Variants in CACYBP observed in about 807,000 individuals in gnomAD.
The protein encoded by CACYBP is calcyclin binding protein, also known as calcyclin-binding protein.
CACYBP carries 11 observed loss-of-function variants against 29.6 expected under a neutral mutation model. The observed-to-expected ratio is 0.37, with a 90% CI of 0.23 to 0.61. The LOEUF (loss-of-function observed/expected upper bound fraction) is 0.61. Ranked by LOEUF, CACYBP falls within the 20% of genes least tolerant of loss-of-function variation. The probability of loss-of-function intolerance (pLI) is 0.65; values close to 1 mark genes in which losing one functional copy is unlikely to be tolerated. For missense variants in CACYBP, 163 were observed against 260.7 expected (o/e 0.63, Z 2.58); for synonymous variants, 73 against 88.3 (o/e 0.83, Z 0.97).
Position 175,010,357 on chromosome 1 carries a change from GC to G in CACYBP, c.*281del. 1 of 226,260 alleles carries G rather than the reference GC, an allele frequency of 4.4e-6. No homozygotes were observed. Among genetic ancestry groups the G allele is most frequent in the Non-Finnish European group, 8.5e-6 (1 of 117,088 alleles). The allele number at this position is 226,260 out of a possible 1,614,324, so 14.0% of individuals were successfully genotyped here. ...ACGTGAAATATAAAAAGCAAGTCTT[GC>G]CCAATAAAAACGCTACATTGTGTGT... On this transcript the variant is annotated 3_prime_UTR_variant, in exon 6 of 6. Coordinates refer to ENST00000367679, the MANE Select transcript of CACYBP (RefSeq NM_014412.3).
At chr1:175,006,940 GAATT>G (rs1672633815) in intron 3 of CACYBP, 99 bp downstream of exon 3, 1 of 870,192 alleles carries the variant, frequency 1.1e-6, no homozygotes. Context: ...CTTAAATTTA[GAATT>G]AATTATCCTT....
intron 1 of CACYBP, chr1:175,000,431 G>A: frequency 7.2e-7 from 1 of 1,394,588 alleles, no homozygotes; most frequent in South Asian, 1.6e-5. Context: ...GGGGGTGTGC[G>A]GCGATTATCC....
chr1:175,008,464 G>T, intron 4 of CACYBP, 145 bp from the exon 5 acceptor site: 1 of 511,056 alleles, frequency 2.0e-6, no homozygotes, highest in Non-Finnish European at 3.6e-6. Context: ...TCAGATTTTG[G>T]CCTATTCATA....
upstream of CACYBP, chr1:174,999,660 G>A (rs1200151802): frequency 8.6e-6 from 2 of 233,686 alleles, no homozygotes; most frequent in African/African-American, 4.8e-5. Context: ...TGACTCTCTA[G>A]TCAACTTCCG....
At chr1:175,006,454 T>G (rs1558325443) in intron 2 of CACYBP, 1 of 222,850 alleles carries the variant, frequency 4.5e-6, no homozygotes, top group Non-Finnish European at 8.8e-6. Flanking sequence ...ATGTATTTAG[T>G]GATCATATTT....
In CACYBP at chr1:175,011,379, A is replaced by AGAT. The variant is rs1672752613; in HGVS notation, c.*1301_*1303dup. ...TAAAGATGGGTTTTTAATGATACTAAGATAACTGAAAATAGGCATATAGAT... is the reference window on the plus strand; with the variant it reads ...TAAAGATGGGTTTTTAATGATACTAAGATGATAACTGAAAATAGGCATATAGAT... On this transcript the variant is annotated 3_prime_UTR_variant, in exon 6 of 6. Coordinates refer to ENST00000367679, the MANE Select transcript of CACYBP (RefSeq NM_014412.3). The AGAT allele has an allele frequency of 2.6e-5, 4 of 152,286 alleles. No individual in the cohort carries two copies. The highest frequency in any genetic ancestry group is 4.1e-4 in the South Asian group (2 of 4,824). 9.4% of individuals were successfully genotyped at this position (152,286 alleles called of 1,614,324 possible).
At position 175,010,015 on chromosome 1, in the gene CACYBP, G is replaced by A. The variant is rs762872415; in HGVS notation, c.623G>A (p.Arg208Gln). The A allele has an allele frequency of 1.1e-5, 17 of 1,613,670 alleles. No homozygotes were observed. The highest frequency in any genetic ancestry group is 1.7e-4 in the Middle Eastern group (1 of 6,056). The change falls in exon 6 of 6, where the codon CGA becomes CAA. Residue 208 changes from arginine to glutamine, a missense_variant. By Grantham distance (43) the Arg-to-Gln change is conservative. Coordinates refer to ENST00000367679, the MANE Select transcript of CACYBP (RefSeq NM_014412.3). ...IYEDGDDDMKRTINKAWVESR... is the reference protein window; with the variant it reads ...IYEDGDDDMKQTINKAWVESR... The stretch of plus-strand genomic sequence containing the variant: ...GAAGATGGAGACGATGATATGAAGC[G>A]AACCATTAATAAAGCCTGGGTGGAA...
At chr1:175,003,858 G>A (rs551148530) in intron 1 of CACYBP, among the ~76,000 whole-genome samples, 1 of 152,268 alleles carries the variant, frequency 6.6e-6, no homozygotes, top group East Asian at 1.9e-4. Flanking sequence ...AAAGTAGAAA[G>A]TAGTAGACTT....
intron 4 of CACYBP, among the ~76,000 whole-genome samples, chr1:175,007,909 C>T (rs892153339): frequency 2.0e-5 from 3 of 152,038 alleles, no homozygotes; most frequent in African/African-American, 2.4e-5. Context: ...AAGTTTAATG[C>T]GTTAGGTATA....
chr1:175,001,944 GT>G (rs1558323664), intron 1 of CACYBP, among the ~76,000 whole-genome samples: 1 of 152,148 alleles, frequency 6.6e-6, no homozygotes, highest in Non-Finnish European at 1.5e-5. Flanking sequence ...GTTTCACCAC[GT>G]TGGCCAGGCT....
At chr1:174,999,696 TA>T (rs1672410141), upstream of CACYBP, 1 of 244,484 alleles carries the variant, frequency 4.1e-6, no homozygotes, top group African/African-American at 2.4e-5. Flanking sequence ...ATCGGTACGT[TA>T]TTTCCGGGGC....
In CACYBP at chr1:175,011,571, A is replaced by G. The variant is rs992514697; in HGVS notation, c.*1492A>G. 2.0e-5 allele frequency: 3 copies of G among 152,226 alleles called. No homozygotes were observed. Among genetic ancestry groups the G allele is most frequent in the African/African-American group, 7.2e-5 (3 of 41,464 alleles). The allele number at this position is 152,226 out of a possible 1,614,324, so 9.4% of individuals were successfully genotyped here. A position where few individuals can be genotyped will look rare whatever the true frequency, so the allele number is the denominator to read the frequency against. On this transcript the variant is annotated 3_prime_UTR_variant, in exon 6 of 6. Transcript: ENST00000367679. Reference sequence around the variant, plus strand: ...ATGTTTATAGGACAAGAAAAACCCCACCATAACCCAAGGCAAACAATGTAT... The same window carrying G: ...ATGTTTATAGGACAAGAAAAACCCCGCCATAACCCAAGGCAAACAATGTAT...
chr1:175,003,863 A>G (rs962614240), intron 1 of CACYBP, among the ~76,000 whole-genome samples: 1 of 152,218 alleles, frequency 6.6e-6, no homozygotes, highest in East Asian at 1.9e-4. Flanking sequence ...AGAAAGTAGT[A>G]GACTTTAATA....
chr1:175,007,043 G>GT lies in CACYBP; in HGVS notation c.333-54dup, dbSNP rs1672636674. 4.8e-6 allele frequency: 6 copies of GT among 1,256,222 alleles called. No homozygotes were observed. In the Admixed American group the frequency reaches 5.5e-5, roughly 11 times the overall value. 77.8% of individuals were successfully genotyped at this position (1,256,222 alleles called of 1,614,324 possible). The stretch of plus-strand genomic sequence containing the variant: ...GCTTTTTTCCCACAAGAACTATGGA[G>GT]TAAGGGTACCTTTCATAGAACTAGA... On this transcript the variant is annotated intron_variant, in intron 3 of 5. Coordinates refer to ENST00000367679, the MANE Select transcript of CACYBP (RefSeq NM_014412.3).
chr1:174,999,919 G>T (rs1672418091), upstream of CACYBP: 4 of 549,264 alleles, frequency 7.3e-6, no homozygotes, highest in Non-Finnish European at 1.3e-5. Flanking sequence ...GCTCGGCGAG[G>T]CGAGGAAGGG....
chr1:175,010,162 A>G lies in CACYBP; in HGVS notation c.*83A>G, dbSNP rs1270973897. The G allele has an allele frequency of 2.5e-6, 3 of 1,189,432 alleles. No individual in the cohort carries two copies. Among genetic ancestry groups the G allele is most frequent in the Non-Finnish European group, 3.6e-6 (3 of 835,178 alleles). 73.7% of individuals were successfully genotyped at this position (1,189,432 alleles called of 1,614,324 possible). ...AAGGGAATATTGGTGAGCTGCATAT[A>G]TAAATTTGACAGATAGCTATTTACA... On this transcript the variant is annotated 3_prime_UTR_variant, in exon 6 of 6. Transcript: ENST00000367679.
At chr1:175,002,229 A>G (rs923764786) in intron 1 of CACYBP, among the ~76,000 whole-genome samples, 2 of 152,216 alleles carry the variant, frequency 1.3e-5, no homozygotes, top group African/African-American at 4.8e-5. Context: ...TCCTGTAAGA[A>G]ATGTTTGAAG....
At chr1:175,001,930 C>T (rs984047887) in intron 1 of CACYBP, among the ~76,000 whole-genome samples, 2 of 152,086 alleles carry the variant, frequency 1.3e-5, no homozygotes, top group African/African-American at 4.8e-5. Context: ...TTAGTAGCGA[C>T]GGGGTTTCAC....
rs1046670495 is a variant in CACYBP at position 175,001,984 on chromosome 1, C to T, written c.15+1789C>T. On this transcript the variant is annotated intron_variant, in intron 1 of 5. Coordinates refer to ENST00000367679, the MANE Select transcript of CACYBP (RefSeq NM_014412.3). ...CTCGAACTCCTGATCTCAAGTGATCCGCCCGCCCGCCTCGGCCTCTGAAAG... is the reference window on the plus strand; with the variant it reads ...CTCGAACTCCTGATCTCAAGTGATCTGCCCGCCCGCCTCGGCCTCTGAAAG... Among the ~76,000 whole-genome samples the T allele has an allele frequency of 5.9e-5, 9 of 152,262 alleles. No individual in the cohort carries two copies. In the East Asian group the frequency reaches 7.7e-4, roughly 13 times the overall value.
Sources: gnomAD v4.1 joint callset for allele counts (sites outside exome capture counted in the v4.1 genomes callset) on GRCh38, gnomAD v4.1.1 for gene constraint, MANE v1.5 for transcripts, NCBI Gene and HGNC (gene_info 2026-07-23, HGNC 2026-07-21) for gene names.